The following TENM2 variants were observed in gnomAD, a reference collection of about 807,000 sequenced individuals.
TENM2 encodes teneurin-2.
Under a neutral mutation model 245.2 loss-of-function variants are expected in TENM2, and 52 were observed. That is an observed-to-expected ratio of 0.21 (90% CI 0.17 to 0.27). The LOEUF (loss-of-function observed/expected upper bound fraction) is 0.27, where lower values mean the gene tolerates loss of function less well. Among genes scored for constraint, TENM2 ranks in the 10% least tolerant of loss-of-function variants. The pLI, the probability that TENM2 is intolerant of heterozygous loss-of-function variation, is 1.00. For missense variants in TENM2, 3,046 were observed against 3,666.8 expected (o/e 0.83, Z 4.37); for synonymous variants, 1,363 against 1,438.9 (o/e 0.95, Z 1.19).
At chr5:168,222,922 G>T (rs1763793545) in intron 23 of TENM2, among the ~76,000 whole-genome samples, 1 of 152,142 alleles carries the variant, frequency 6.6e-6, no homozygotes, top group South Asian at 2.1e-4. Flanking sequence ...GGTGCTTGAT[G>T]AATATTTATT....
intron 2 of TENM2, among the ~76,000 whole-genome samples, chr5:167,457,479 A>C (rs1037021442): frequency 1.3e-4 from 20 of 152,062 alleles, no homozygotes; most frequent in African/African-American, 3.6e-4. Flanking sequence ...AGTAGCTGGG[A>C]TTACATGGGT....
rs35451881 is a variant in TENM2, at chr5:167,342,507, CTTTTTTTTTTT to C, written c.227-32670_227-32660del. On this transcript the variant is annotated intron_variant, in intron 1 of 28. Coordinates refer to ENST00000518659, the Ensembl canonical transcript of TENM2. ...CAGGTTTCTCAACTGTAAAGTTATT[CTTTTTTTTTTT>C]TTTTTTTTTTTTTTTTTTTTGAGAC... 3.2e-3 allele frequency among the ~76,000 whole-genome samples: 172 copies of C among 54,290 alleles called. 1 individual carries two copies. The highest frequency in any genetic ancestry group is 0.029 in the East Asian group (54 of 1,880). The allele number at this position is 54,290 out of a possible 152,430, so 35.6% of individuals were successfully genotyped here. A position where few individuals can be genotyped will look rare whatever the true frequency, so the allele number is the denominator to read the frequency against.
At chr5:167,313,247 G>C (rs1756146706) in intron 1 of TENM2, among the ~76,000 whole-genome samples, 1 of 152,020 alleles carries the variant, frequency 6.6e-6, no homozygotes, top group Admixed American at 6.6e-5. Flanking sequence ...TGGCATCTAT[G>C]TTCTTCAGAC....
chr5:167,640,796 C>T (rs534457581), intron 2 of TENM2, among the ~76,000 whole-genome samples: 3 of 135,622 alleles, frequency 2.2e-5, no homozygotes, highest in Non-Finnish European at 4.7e-5. Flanking sequence ...GGCAGTGTTA[C>T]CTATAGAGAA....
At chr5:167,904,144 G>C (rs1775914051) in intron 3 of TENM2, among the ~76,000 whole-genome samples, 1 of 152,166 alleles carries the variant, frequency 6.6e-6, no homozygotes, top group African/African-American at 2.4e-5. Context: ...TGCCCCCCAG[G>C]CAGGAAAATA....
intron 2 of TENM2, among the ~76,000 whole-genome samples, chr5:167,468,255 G>C (rs1444864449): frequency 6.6e-6 from 1 of 152,150 alleles, no homozygotes; most frequent in Non-Finnish European, 1.5e-5. Flanking sequence ...GTTAGAGAAA[G>C]TTTTCTGGAA....
At chr5:167,351,494 A>G (rs1230162062) in intron 1 of TENM2, among the ~76,000 whole-genome samples, 1 of 152,150 alleles carries the variant, frequency 6.6e-6, no homozygotes, top group Non-Finnish European at 1.5e-5. Context: ...TCACTGAGCA[A>G]TAGCTCCTGA....
chr5:168,221,609 G>C (rs1763676130), intron 23 of TENM2, among the ~76,000 whole-genome samples: 1 of 152,160 alleles, frequency 6.6e-6, no homozygotes, highest in Non-Finnish European at 1.5e-5. Context: ...AAAGGGGTAG[G>C]AAAAAATAAC....
At chr5:167,002,606 A>C in the TENM2 span, among the ~76,000 whole-genome samples, 3 of 151,810 alleles carry the variant, frequency 2.0e-5, no homozygotes, top group African/African-American at 7.3e-5. Flanking sequence ...AGAGTTCCAG[A>C]CCAGCCTGGA....
intron 1 of TENM2, among the ~76,000 whole-genome samples, chr5:167,329,075 T>C (rs6882979): frequency 0.56 from 85,606 of 151,868 alleles, 24,316 homozygotes; most frequent in Admixed American, 0.63. Context: ...CTAAAGTTGA[T>C]TGGCCATTTG....
intron 7 of TENM2, 133 bp downstream of exon 9, chr5:168,062,398 T>C: frequency 1.3e-6 from 1 of 749,370 alleles, no homozygotes. Context: ...TTGGCGAGAA[T>C]TTGGAGAAAT....
chr5:167,945,713 G>A (rs371096980), intron 3 of TENM2, among the ~76,000 whole-genome samples: 2 of 152,182 alleles, frequency 1.3e-5, no homozygotes, highest in African/African-American at 2.4e-5. Flanking sequence ...TTTCTCTGAG[G>A]TCATATATTT....
At chr5:167,645,514 A>G (rs1779870586) in intron 2 of TENM2, among the ~76,000 whole-genome samples, 4 of 152,206 alleles carry the variant, frequency 2.6e-5, no homozygotes, top group African/African-American at 9.6e-5. Context: ...TTTACAGGAA[A>G]CACTTGTGTG....
At chr5:167,915,258 G>A (rs1048159317) in intron 3 of TENM2, among the ~76,000 whole-genome samples, 9 of 152,112 alleles carry the variant, frequency 5.9e-5, no homozygotes, top group Non-Finnish European at 1.3e-4. Context: ...GACACATGCA[G>A]CACAGCTAGA....
chr5:167,751,040 G>A (rs1326885110), intron 2 of TENM2, among the ~76,000 whole-genome samples: 1 of 152,146 alleles, frequency 6.6e-6, no homozygotes, highest in African/African-American at 2.4e-5. Flanking sequence ...CCACAGGGAG[G>A]GAGAGGAGTG....
intron 25 of TENM2, among the ~76,000 whole-genome samples, chr5:168,231,825 G>C (rs1404898403): frequency 6.6e-6 from 1 of 151,968 alleles, no homozygotes; most frequent in Non-Finnish European, 1.5e-5. Context: ...GCCTGGCACA[G>C]TAGCTCATGC....
At chr5:167,176,011 T>C in the TENM2 span, among the ~76,000 whole-genome samples, 2 of 152,240 alleles carry the variant, frequency 1.3e-5, no homozygotes, top group South Asian at 4.2e-4. Flanking sequence ...TGCCCAGCTG[T>C]ATCTGTGGTC....
At chr5:167,344,323 T>G (rs867083263) in intron 1 of TENM2, among the ~76,000 whole-genome samples, 1,667 of 123,640 alleles carry the variant, frequency 0.013, 22 homozygotes, top group African/African-American at 0.029. Context: ...TATATATATA[T>G]ATATATAGAT....
chr5:168,042,279 G>C (rs994951818), intron 5 of TENM2, among the ~76,000 whole-genome samples: 1 of 152,020 alleles, frequency 6.6e-6, no homozygotes, highest in African/African-American at 2.4e-5. Flanking sequence ...TCTCCTCCTC[G>C]CGTTATGTAT....
Sources: allele counts gnomAD v4.1 joint callset (sites outside exome capture counted in the v4.1 genomes callset), GRCh38; gene constraint gnomAD v4.1.1; transcripts MANE v1.5; gene names NCBI Gene and HGNC (gene_info 2026-07-23, HGNC 2026-07-21).